TFPI: variants seen among roughly 807,000 people sequenced by gnomAD.
TFPI encodes the protein tissue factor pathway inhibitor.
TFPI carries 15 observed loss-of-function variants against 34.6 expected under a neutral mutation model. The ratio of observed to expected loss-of-function variants is 0.43; its 90% confidence interval spans 0.29 to 0.67. The LOEUF is 0.67. Among genes scored for constraint, TFPI ranks in the 30% least tolerant of loss-of-function variants. The pLI is 0.15. For missense variants in TFPI, 301 were observed against 364.0 expected, an observed-to-expected ratio of 0.83 and a Z score of 1.41; for synonymous variants, 105 against 120.1, an observed-to-expected ratio of 0.87 and a Z score of 0.82.
At chr2:187,542,335 TTGTG>T (rs138712657) in intron 1 of TFPI, among the ~76,000 whole-genome samples, 1 of 148,972 alleles carries the variant, frequency 6.7e-6, no homozygotes, top group East Asian at 2.0e-4. Flanking sequence ...GAATGTGTGT[TTGTG>T]TGTGTGTGTG....
chr2:187,519,716 T>A (rs1214325334), intron 1 of TFPI: 1 of 152,320 alleles, frequency 6.6e-6, no homozygotes, highest in African/African-American at 2.4e-5. Flanking sequence ...GGCAGGCAGG[T>A]ACATTTAAGT....
At chr2:187,537,097 A>C (rs974158660) in intron 1 of TFPI, among the ~76,000 whole-genome samples, 1 of 152,212 alleles carries the variant, frequency 6.6e-6, no homozygotes, top group African/African-American at 2.4e-5. Flanking sequence ...GACACAAACA[A>C]ATGGAAAAAC....
intron 1 of TFPI, among the ~76,000 whole-genome samples, chr2:187,534,077 C>G (rs1366850048): frequency 6.6e-6 from 1 of 152,148 alleles, no homozygotes; most frequent in East Asian, 1.9e-4. Context: ...AATGAAAAGA[C>G]CAAACCCACA....
chr2:187,509,391 A>G (rs960366040), intron 1 of TFPI, among the ~76,000 whole-genome samples: 1 of 152,134 alleles, frequency 6.6e-6, no homozygotes, highest in Admixed American at 6.5e-5. Context: ...TCCTCTTCAT[A>G]TCTCTGGTAG....
intron 4 of TFPI, 50 bp from the exon 5 acceptor site, chr2:187,485,037 T>G: frequency 7.7e-7 from 1 of 1,303,722 alleles, no homozygotes; most frequent in African/African-American, 1.6e-5. Flanking sequence ...TGTAAATAAA[T>G]TACTGATTTT....
chr2:187,540,890 C>CAAAAAAAAAAAAAAAAA (rs56921212), intron 1 of TFPI, among the ~76,000 whole-genome samples: 6 of 84,730 alleles, frequency 7.1e-5, no homozygotes, highest in Admixed American at 2.6e-4. Context: ...GACTCCATCT[C>CAAAAAAAAAAAAAAAAA]AAAAAAAAAA....
chr2:187,549,266 T>C (rs1689009432), intron 1 of TFPI, among the ~76,000 whole-genome samples: 1 of 152,146 alleles, frequency 6.6e-6, no homozygotes, highest in South Asian at 2.1e-4. Flanking sequence ...AAACTTCCTT[T>C]CACAACAAGA....
At position 187,518,471 on chromosome 2, in the gene TFPI, C is replaced by A. The variant is rs1454668206; in HGVS notation, c.-2-14701G>T. The A allele has an allele frequency of 2.6e-5, 4 of 152,340 alleles. No homozygotes were observed. The East Asian group carries it at 5.8e-4, about 22-fold the overall frequency. 9.4% of individuals were successfully genotyped at this position (152,340 alleles called of 1,614,324 possible). ...TTAAGAATGTAGAATATTGGCCCCA[C>A]TCTCTTCTGGCTTGTAGAGTTTCTG... On this transcript the variant is annotated intron_variant, in intron 1 of 7. Transcript: ENST00000233156.
intron 1 of TFPI, among the ~76,000 whole-genome samples, chr2:187,537,804 C>A (rs994733998): frequency 1.3e-5 from 2 of 152,088 alleles, no homozygotes; most frequent in Non-Finnish European, 2.9e-5. Flanking sequence ...AACAGGCAAC[C>A]TACAGAATGG....
At chr2:187,473,379 T>C (rs1692174974) in intron 6 of TFPI, among the ~76,000 whole-genome samples, 1 of 152,162 alleles carries the variant, frequency 6.6e-6, no homozygotes, top group Non-Finnish European at 1.5e-5. Context: ...CAGCAGCTAC[T>C]TCCAGTCTTG....
At chr2:187,498,957 T>C (rs754307603) in intron 2 of TFPI, among the ~76,000 whole-genome samples, 5 of 151,986 alleles carry the variant, frequency 3.3e-5, no homozygotes, top group Non-Finnish European at 7.4e-5. Flanking sequence ...TTATATTCAA[T>C]TGACAAAATA....
At chr2:187,509,522 C>CT (rs1416435425) in intron 1 of TFPI, among the ~76,000 whole-genome samples, 1 of 152,126 alleles carries the variant, frequency 6.6e-6, no homozygotes, top group East Asian at 1.9e-4. Context: ...CTGGTTTAGA[C>CT]TTGGGAGGGT....
intron 2 of TFPI, among the ~76,000 whole-genome samples, chr2:187,498,174 A>T (rs1306120387): frequency 6.6e-6 from 1 of 151,944 alleles, no homozygotes; most frequent in Non-Finnish European, 1.5e-5. Context: ...AAAAAGAATG[A>T]GACTTTAATA....
chr2:187,534,477 T>A (rs1688135720), intron 1 of TFPI, among the ~76,000 whole-genome samples: 1 of 152,160 alleles, frequency 6.6e-6, no homozygotes, highest in Non-Finnish European at 1.5e-5. Context: ...CTAAGCTTCA[T>A]AAGTGAAGTA....
intron 1 of TFPI, among the ~76,000 whole-genome samples, chr2:187,536,133 C>T (rs1304508120): frequency 6.6e-6 from 1 of 152,190 alleles, no homozygotes; most frequent in Admixed American, 6.5e-5. Context: ...AAGAAATTCA[C>T]AGCCGAATTC....
chr2:187,539,284 CTTT>C (rs942841379), intron 1 of TFPI, among the ~76,000 whole-genome samples: 2 of 151,986 alleles, frequency 1.3e-5, no homozygotes, highest in African/African-American at 4.8e-5. Context: ...CTTGTACACT[CTTT>C]TTTTCTTTCA....
chr2:187,511,129 G>T (rs973892361), intron 1 of TFPI, among the ~76,000 whole-genome samples: 1 of 152,178 alleles, frequency 6.6e-6, no homozygotes, highest in African/African-American at 2.4e-5. Context: ...CCTCAGAGCA[G>T]TGCACGGCAG....
chr2:187,533,795 A>T (rs1688101278), intron 1 of TFPI, among the ~76,000 whole-genome samples: 1 of 152,228 alleles, frequency 6.6e-6, no homozygotes, highest in African/African-American at 2.4e-5. Context: ...TTCTAACCCA[A>T]TGCAAGGAAG....
At chr2:187,523,570 C>T (rs1687523924) in intron 1 of TFPI, among the ~76,000 whole-genome samples, 1 of 152,050 alleles carries the variant, frequency 6.6e-6, no homozygotes, top group Non-Finnish European at 1.5e-5. Flanking sequence ...AAATTCCTGA[C>T]CTTTTAATTT....
Sources: gnomAD v4.1 joint callset for allele counts (sites outside exome capture counted in the v4.1 genomes callset) on GRCh38, gnomAD v4.1.1 for gene constraint, MANE v1.5 for transcripts, NCBI Gene and HGNC (gene_info 2026-07-23, HGNC 2026-07-21) for gene names.